COL7A1: variants seen among roughly 807,000 people sequenced by gnomAD.
The protein encoded by COL7A1 is collagen type VII alpha 1 chain.
COL7A1 carries 296 observed loss-of-function variants against 456.2 expected under a neutral mutation model. The observed-to-expected ratio is 0.65, with a 90% confidence interval of 0.59 to 0.71. The LOEUF is 0.71. COL7A1 is among the 30% of genes least tolerant of loss of function. COL7A1 has a pLI of 0.00. For synonymous variants in COL7A1, 1,464 were observed against 1,525.9 expected (o/e 0.96, Z 0.95); for missense variants, 3,441 against 4,017.2 (o/e 0.86, Z 3.88).
In COL7A1 at chr3:48,568,303, T is replaced by TGGGGACAAGGGTCACCATAGGCA. The variant is rs2043701161; in HGVS notation, c.7795-156_7795-134dup. ...AGGCCAGAGCCACTGGGGCTTGCCA[T>TGGGGACAAGGGTCACCATAGGCA]GGGGACAAGGGTCACCATAGGCAGG... On this transcript the variant is annotated intron_variant, in intron 105 of 118. Transcript: ENST00000681320. The surrounding 1 kb of genome is among the most constrained non-coding windows in gnomAD (Gnocchi z 5.2). 1.7e-6 allele frequency: 2 copies of TGGGGACAAGGGTCACCATAGGCA among 1,171,304 alleles called. No homozygotes were observed. 72.6% of individuals were successfully genotyped at this position (1,171,304 alleles called of 1,614,324 possible). A position where few individuals can be genotyped will look rare whatever the true frequency, so the allele number is the denominator to read the frequency against.
chr3:48,574,129 G>GCAGGCACACACAA lies in COL7A1; in HGVS notation c.6501+132_6501+133insTTGTGTGTGCCTG. On this transcript the variant is annotated intron_variant, in intron 80 of 118. Transcript: ENST00000681320. This position sits in a 1 kb window ranked among gnomAD's most constrained non-coding sequence, Gnocchi z 5.0. ...CACACACAGACACAGGCACACACAA[G>GCAGGCACACACAA]CAGGCACACACAGAGAGGCACACAG... 8.2e-7 allele frequency: 1 copy of GCAGGCACACACAA among 1,223,366 alleles called. No individual in the cohort carries two copies. Among genetic ancestry groups the GCAGGCACACACAA allele is most frequent in the Non-Finnish European group, 1.2e-6 (1 of 840,340 alleles). 75.8% of individuals were successfully genotyped at this position (1,223,366 alleles called of 1,614,324 possible).
At position 48,592,693 on chromosome 3, in the gene COL7A1, C is replaced by T. The variant is rs142568125; in HGVS notation, c.853G>A (p.Val285Ile). 6.7e-5 allele frequency: 108 copies of T among 1,613,746 alleles called. No homozygotes were observed. The Admixed American group carries it at 8.3e-4, about 12-fold the overall frequency. ...PLPSERQEVN[V>I]PAGETSVRLR... ...CGCACACTGGTCTCACCAGCTGGGACGTTCACCTGCCCAGGGCAAGAGGTC... is the reference window on the plus strand; with the variant it reads ...CGCACACTGGTCTCACCAGCTGGGATGTTCACCTGCCCAGGGCAAGAGGTC... Residue 285 changes from valine (V) to isoleucine (I), a missense_variant, in exon 8 of 119, where the codon GTC becomes ATC. Transcript: ENST00000681320. This position sits in a 1 kb window ranked among gnomAD's most constrained non-coding sequence, Gnocchi z 7.6.
Position 48,589,690 on chromosome 3 carries a change from A to G in COL7A1, c.2079T>C (p.His693=), listed in dbSNP as rs1355190229. The G allele has an allele frequency of 1.2e-6, 2 of 1,614,058 alleles. No homozygotes were observed. The highest frequency in any genetic ancestry group is 8.5e-7 in the Non-Finnish European group (1 of 1,179,996). The change falls in exon 17 of 119, where the codon CAT becomes CAC. Residue 693 remains histidine, a synonymous_variant. Coordinates refer to ENST00000681320, the MANE Select transcript of COL7A1 (RefSeq NM_000094.4). ...CAGATGAGCTGCTGGCCTGAGTCAC[A>G]TGGACCGTCCTCACTGGGCCCAGTG... The part of the protein sequence containing the change: ...TDPLGPVRTV[H]VTQASSSSVT...
In COL7A1 at chr3:48,592,947, G is replaced by A. The variant is rs1187631387; in HGVS notation, c.683-9C>T. The A allele has an allele frequency of 1.2e-6, 2 of 1,613,506 alleles. No individual in the cohort carries two copies. Among genetic ancestry groups the A allele is most frequent in the Non-Finnish European group, 8.5e-7 (1 of 1,179,976 alleles). ...AGAGGTCGAGTCATCCGCTGGGAAT[G>A]CGGGATCAGGGGATCAGGCAGGAGG... On this transcript the variant is annotated splice_polypyrimidine_tract_variant and intron_variant, in intron 6 of 118. Coordinates refer to ENST00000681320, the MANE Select transcript of COL7A1 (RefSeq NM_000094.4). This position sits in a 1 kb window ranked among gnomAD's most constrained non-coding sequence, Gnocchi z 7.6.
chr3:48,582,768 G>A, intron 44 of COL7A1, 115 bp from the exon 45 acceptor site: 2 of 1,238,318 alleles, frequency 1.6e-6, no homozygotes, highest in Non-Finnish European at 2.3e-6. Flanking sequence ...TGGGATTTAG[G>A]TTGGCAGGGG....
At chr3:48,582,079 G>A in intron 47 of COL7A1, 136 bp from the exon 48 acceptor site, 1 of 1,362,328 alleles carries the variant, frequency 7.3e-7, no homozygotes, top group African/African-American at 1.4e-5. Flanking sequence ...AGTCACCGCT[G>A]ACAGCAGGGA....
At position 48,567,161 on chromosome 3, in the gene COL7A1, G is replaced by T. The variant is rs1310671864; in HGVS notation, c.8076C>A (p.Gly2692=). ...KGDRGFDGQP[G]PKGDQGEKGE... Reference sequence around the variant, plus strand: ...CTTTCTCGCCCTGGTCACCCTTGGGGCCTGGCTGCCCGTCAAAGCCTCGGT... The same window carrying T: ...CTTTCTCGCCCTGGTCACCCTTGGGTCCTGGCTGCCCGTCAAAGCCTCGGT... Residue 2692 remains glycine, a synonymous_variant, in exon 110 of 119, where the codon GGC becomes GGA. Coordinates refer to ENST00000681320, the MANE Select transcript of COL7A1 (RefSeq NM_000094.4). The surrounding 1 kb of genome is among the most constrained non-coding windows in gnomAD (Gnocchi z 4.3). 1.9e-6 allele frequency: 3 copies of T among 1,613,964 alleles called. No homozygotes were observed. Among genetic ancestry groups the T allele is most frequent in the East Asian group, 2.2e-5 (1 of 44,866 alleles).
chr3:48,587,712 G>A lies in COL7A1; in HGVS notation c.2857+81C>T, dbSNP rs1246563060. On this transcript the variant is annotated intron_variant, in intron 22 of 118. Coordinates refer to ENST00000681320, the MANE Select transcript of COL7A1 (RefSeq NM_000094.4). This position sits in a 1 kb window ranked among gnomAD's most constrained non-coding sequence, Gnocchi z 6.1. ...GAGGGTGAGGGGTAGGGGTACAGGAGGAGTCACTCAGAGTCGGGGTGCAGG... is the reference window on the plus strand; with the variant it reads ...GAGGGTGAGGGGTAGGGGTACAGGAAGAGTCACTCAGAGTCGGGGTGCAGG... 2.5e-6 allele frequency: 4 copies of A among 1,607,664 alleles called. No individual in the cohort carries two copies. The highest frequency in any genetic ancestry group is 1.3e-5 in the African/African-American group (1 of 74,794).
At chr3:48,576,490 C>T (rs766639277) in intron 69 of COL7A1, 32 bp downstream of exon 69, 3 of 1,612,322 alleles carry the variant, frequency 1.9e-6, no homozygotes, top group Admixed American at 3.3e-5. Context: ...TCAGCCCCCT[C>T]ACCACGCCCC....
chr3:48,590,842 G>T lies in COL7A1; in HGVS notation c.1637-26C>A, dbSNP rs777594161. 2 of 1,610,370 alleles carry T rather than the reference G, an allele frequency of 1.2e-6. No individual in the cohort carries two copies. Among genetic ancestry groups the T allele is most frequent in the South Asian group, 2.2e-5 (2 of 91,074 alleles). The stretch of plus-strand genomic sequence containing the variant: ...CTAAGAGAGAAGTCAGGGTAGGTGG[G>T]CAGGGGTCAGAAAGAGACAGGGATG... On this transcript the variant is annotated intron_variant, in intron 13 of 118. Transcript: ENST00000681320. The surrounding 1 kb of genome is among the most constrained non-coding windows in gnomAD (Gnocchi z 4.6).
At position 48,587,454 on chromosome 3, in the gene COL7A1, G is replaced by A. The variant is rs369285281; in HGVS notation, c.2958C>T (p.Ile986=). Residue 986 remains isoleucine (I), a synonymous_variant, in exon 23 of 119, where the codon ATC becomes ATT. Transcript: ENST00000681320. This position sits in a 1 kb window ranked among gnomAD's most constrained non-coding sequence, Gnocchi z 6.1. ...WTPVSRASSY[I]LSWRPLRGPG... is the part of the protein sequence containing the mutation. ...GGCCTCTGAGTGGCCGCCAGGATAG[G>A]ATGTAGCTGGATGCCCTGGACACTG... 9 of 1,613,202 alleles carry A rather than the reference G, an allele frequency of 5.6e-6. No individual in the cohort carries two copies. The highest frequency in any genetic ancestry group is 7.6e-6 in the Non-Finnish European group (9 of 1,180,034).
At position 48,589,434 on chromosome 3, in the gene COL7A1, G is replaced by T. The variant is rs1287048414; in HGVS notation, c.2207C>A (p.Thr736Lys). The change falls in exon 18 of 119, where the codon ACG becomes AAG. Residue 736 changes from threonine (T) to lysine (K), a missense_variant. By Grantham distance (78) the Thr-to-Lys change is moderately conservative. Coordinates refer to ENST00000681320, the MANE Select transcript of COL7A1 (RefSeq NM_000094.4). ...CTCCAGTCCATCCAGCTCAGCCACC[G>T]TGGCCTCCCCAGAAACCAACTGGGA... ...EKSQLVSGEA[T>K]VAELDGLEPD... The T allele has an allele frequency of 3.1e-6, 5 of 1,613,588 alleles. No individual in the cohort carries two copies. In the Admixed American group the frequency reaches 6.7e-5, roughly 22 times the overall value.
At position 48,581,826 on chromosome 3, in the gene COL7A1, T is replaced by C. The variant is rs1575459267; in HGVS notation, c.4669-67A>G. On this transcript the variant is annotated intron_variant, in intron 48 of 118. Coordinates refer to ENST00000681320, the MANE Select transcript of COL7A1 (RefSeq NM_000094.4). The surrounding 1 kb of genome is among the most constrained non-coding windows in gnomAD (Gnocchi z 5.8). ...GTTAACCCCCTGACCCAGCAAGTCC[T>C]GTGACCCCCCAAGTCCCATAGATAG... 1 of 1,613,408 alleles carries C rather than the reference T, an allele frequency of 6.2e-7. No homozygotes were observed. The highest frequency in any genetic ancestry group is 1.3e-5 in the African/African-American group (1 of 75,020).
chr3:48,568,914 A>G lies in COL7A1; in HGVS notation c.7687-59T>C. ...GACCAGATCAGGCTGGGGGCTTAGAATACAACGAGCCCGCCAGCTGGGGCA... is the reference window on the plus strand; with the variant it reads ...GACCAGATCAGGCTGGGGGCTTAGAGTACAACGAGCCCGCCAGCTGGGGCA... On this transcript the variant is annotated intron_variant, in intron 103 of 118. Transcript: ENST00000681320. The surrounding 1 kb of genome is among the most constrained non-coding windows in gnomAD (Gnocchi z 5.2). 6.6e-7 allele frequency: 1 copy of G among 1,505,388 alleles called. No individual in the cohort carries two copies. The highest frequency in any genetic ancestry group is 1.7e-4 in the Middle Eastern group (1 of 5,886). 93.3% of individuals were successfully genotyped at this position (1,505,388 alleles called of 1,614,324 possible).
Position 48,590,612 on chromosome 3 carries a change from T to G in COL7A1, c.1781-28A>C, listed in dbSNP as rs1408188477. On this transcript the variant is annotated intron_variant, in intron 14 of 118. Transcript: ENST00000681320. This position sits in a 1 kb window ranked among gnomAD's most constrained non-coding sequence, Gnocchi z 4.6. ...AGGAGTTACAGACAGAAGTCAGAAG[T>G]CAGAACCAGGACCAGAGTGAGGCAG... 1 of 1,613,768 alleles carries G rather than the reference T, an allele frequency of 6.2e-7. No homozygotes were observed. Among genetic ancestry groups the G allele is most frequent in the Non-Finnish European group, 8.5e-7 (1 of 1,180,010 alleles).
chr3:48,593,179 C>A lies in COL7A1; in HGVS notation c.605G>T (p.Ser202Ile). Residue 202 changes from serine to isoleucine, a missense_variant, in exon 6 of 119, where the codon AGC becomes ATC. This residue lies in a region of COL7A1 where 913 missense variants were observed against 1,088.2 expected (regional missense o/e 0.84). Coordinates refer to ENST00000681320, the MANE Select transcript of COL7A1 (RefSeq NM_000094.4). This position sits in a 1 kb window ranked among gnomAD's most constrained non-coding sequence, Gnocchi z 4.4. ...SDFFFFVNDF[S>I]ILRTLLPLVS... ...GAGGGGCAGTAGTGTCCTCAAGATG[C>A]TGAAGTCATTGACGAAGAAGAAGAA... is the stretch of plus-strand genomic sequence containing the variant. 6.2e-7 allele frequency: 1 copy of A among 1,614,118 alleles called. No individual in the cohort carries two copies. The highest frequency in any genetic ancestry group is 1.7e-5 in the Admixed American group (1 of 60,022).
In COL7A1 at chr3:48,575,260, G is replaced by T. The variant is rs1300449710; in HGVS notation, c.6181-18C>A. The T allele has an allele frequency of 4.3e-6, 7 of 1,613,792 alleles. No individual in the cohort carries two copies. The highest frequency in any genetic ancestry group is 5.9e-6 in the Non-Finnish European group (7 of 1,179,988). ...CGTTCTCCCTGAAATGCAAATAGCG[G>T]GTGAGGGCCAAGCCCATGGGGGGTC... On this transcript the variant is annotated intron_variant, in intron 74 of 118. Transcript: ENST00000681320. This position sits in a 1 kb window ranked among gnomAD's most constrained non-coding sequence, Gnocchi z 6.3.
At position 48,580,891 on chromosome 3, in the gene COL7A1, A is replaced by ACGCTCG; in HGVS notation, c.4965_4970dup (p.Glu1656_Arg1657dup). 1 of 1,614,046 alleles carries ACGCTCG rather than the reference A, an allele frequency of 6.2e-7. No individual in the cohort carries two copies. The highest frequency in any genetic ancestry group is 2.2e-5 in the East Asian group (1 of 44,876). ...CTCTGCCAAGACTCACCCGAAGGCC[A>ACGCTCG]CGCTCGCCTGCTTTTCCAGGCAAAC... On this transcript the variant is annotated inframe_insertion, in exon 54 of 119. Coordinates refer to ENST00000681320, the MANE Select transcript of COL7A1 (RefSeq NM_000094.4). This position sits in a 1 kb window ranked among gnomAD's most constrained non-coding sequence, Gnocchi z 4.5.
Position 48,569,572 on chromosome 3 carries a change from C to T in COL7A1, c.7614+20G>A, listed in dbSNP as rs544920947. 3 of 1,613,736 alleles carry T rather than the reference C, an allele frequency of 1.9e-6. No homozygotes were observed. Among genetic ancestry groups the T allele is most frequent in the East Asian group, 4.5e-5 (2 of 44,840 alleles). ...CTCTCGCACCCAGGGGAGACCCAGTCCACACGTGGGCCCACTCACCATGTC... is the reference window on the plus strand; with the variant it reads ...CTCTCGCACCCAGGGGAGACCCAGTTCACACGTGGGCCCACTCACCATGTC... On this transcript the variant is annotated intron_variant, in intron 102 of 118. Transcript: ENST00000681320. The surrounding 1 kb of genome is among the most constrained non-coding windows in gnomAD (Gnocchi z 4.9).
Sources: gnomAD v4.1 joint callset for allele counts on GRCh38, gnomAD v4.1.1 for gene constraint, gnomAD v4.1.1 regional missense constraint, Gnocchi (gnomAD v3.1) non-coding constraint, MANE v1.5 for transcripts, NCBI Gene and HGNC (gene_info 2026-07-23, HGNC 2026-07-21) for gene names.